Variants in TMEM67 observed in about 807,000 individuals in gnomAD.
TMEM67 encodes the protein transmembrane protein 67.
Under a neutral mutation model 136.6 loss-of-function variants are expected in TMEM67, and 124 were observed. The observed-to-expected ratio is 0.91, with a 90% CI of 0.78 to 1.05. TMEM67 has a LOEUF of 1.05. Ranked by LOEUF, TMEM67 falls within the 50% of genes least tolerant of loss-of-function variation. TMEM67 has a pLI of 0.00. For synonymous variants in TMEM67, 364 were observed against 390.5 expected (o/e 0.93, Z 0.80); for missense variants, 1,107 against 1,178.4 (o/e 0.94, Z 0.89).
At position 93,797,359 on chromosome 8, in the gene TMEM67, T is replaced by A; in HGVS notation, c.1989T>A (p.Val663=). 6.2e-7 allele frequency: 1 copy of A among 1,614,154 alleles called. No individual in the cohort carries two copies. Among genetic ancestry groups the A allele is most frequent in the Non-Finnish European group, 8.5e-7 (1 of 1,180,000 alleles). ...AGGGTGGTGTACGAAGTGCCACTGTTCCTGTAAGCATATGGAGAACATATT... is the reference window on the plus strand; with the variant it reads ...AGGGTGGTGTACGAAGTGCCACTGTACCTGTAAGCATATGGAGAACATATT... ...EGEGGVRSAT[V]PVSIWRTYFV... is the part of the protein sequence containing the mutation. The change falls in exon 20 of 28, where the codon GTT becomes GTA. Residue 663 remains valine, a synonymous_variant. Transcript: ENST00000453321.
chr8:93,829,170 C>A, the TMEM67 span, among the ~76,000 whole-genome samples: 1 of 152,170 alleles, frequency 6.6e-6, no homozygotes, highest in Non-Finnish European at 1.5e-5. Context: ...ATAGGCTCTT[C>A]TTTGCGGTAG....
At chr8:93,831,613 T>C in the TMEM67 span, among the ~76,000 whole-genome samples, 1 of 152,282 alleles carries the variant, frequency 6.6e-6, no homozygotes, top group South Asian at 2.1e-4. Context: ...TGAAAAGCCC[T>C]GCCTCCTTCC....
intron 21 of TMEM67, among the ~76,000 whole-genome samples, chr8:93,802,858 G>C (rs1461543019): frequency 2.0e-5 from 3 of 152,118 alleles, no homozygotes; most frequent in Non-Finnish European, 4.4e-5. Flanking sequence ...TTATGTATTG[G>C]ATGCTGTGCT....
chr8:93,820,593 T>C (rs1231489339), downstream of TMEM67, among the ~76,000 whole-genome samples: 1 of 152,176 alleles, frequency 6.6e-6, no homozygotes, highest in African/African-American at 2.4e-5. Context: ...CTGTGCAATT[T>C]GGGCAAGTCA....
In TMEM67 at chr8:93,799,643, T is replaced by A. The variant is rs1377430658; in HGVS notation, c.2126T>A (p.Leu709Ter). The A allele has an allele frequency of 6.2e-7, 1 of 1,613,990 alleles. No homozygotes were observed. Among genetic ancestry groups the A allele is most frequent in the East Asian group, 2.2e-5 (1 of 44,852 alleles). Residue 709 changes from leucine to a stop codon, truncating the protein, a stop_gained, in exon 21 of 28, where the codon TTA (leucine) becomes TAA (stop). Coordinates refer to ENST00000453321, the MANE Select transcript of TMEM67 (RefSeq NM_153704.6). LOFTEE classifies it high-confidence loss of function. ...LEVVGFKNLA[L>*]MDSSSSLSRN... is the part of the protein sequence containing the mutation. ...GTTGTGGGATTCAAGAACTTAGCAT[T>A]AATGGACTCATCTTCTAGTCTTTCT...
Position 93,814,395 on chromosome 8 carries a change from T to C in TMEM67, c.2765-910T>C, listed in dbSNP as rs547279145. ...ACCTCGTGATCTGCCCGCCTCGGCCTCCCAAGTTTATGTATACTTTTTTTT... is the reference window on the plus strand; with the variant it reads ...ACCTCGTGATCTGCCCGCCTCGGCCCCCCAAGTTTATGTATACTTTTTTTT... On this transcript the variant is annotated intron_variant, in intron 26 of 27. Transcript: ENST00000453321. Among the ~76,000 whole-genome samples the C allele has an allele frequency of 8.0e-5, 12 of 150,570 alleles. No individual in the cohort carries two copies. In the South Asian group the frequency reaches 2.3e-3, roughly 29 times the overall value.
intron 1 of TMEM67, 27 bp from the exon 2 acceptor site, chr8:93,755,751 C>CTTTTTTTTTTTTT: frequency 1.6e-6 from 1 of 632,468 alleles, no homozygotes. Flanking sequence ...ATAAAATTGG[C>CTTTTTTTTTTTTT]TTTTTTTTTT....
intron 21 of TMEM67, among the ~76,000 whole-genome samples, chr8:93,802,245 G>A (rs1814900655): frequency 1.3e-5 from 2 of 152,256 alleles, no homozygotes; most frequent in East Asian, 1.9e-4. Context: ...GTCCATAATA[G>A]CCAATGAAGT....
intron 23 of TMEM67, among the ~76,000 whole-genome samples, chr8:93,807,719 G>T (rs1425848698): frequency 1.3e-5 from 2 of 151,962 alleles, no homozygotes; most frequent in Middle Eastern, 3.4e-3. Context: ...TTCACTACAT[G>T]TATTCTTCCT....
chr8:93,770,278 A>G lies in TMEM67; in HGVS notation c.652-2311A>G, dbSNP rs556216949. On this transcript the variant is annotated intron_variant, in intron 6 of 27. Coordinates refer to ENST00000453321, the MANE Select transcript of TMEM67 (RefSeq NM_153704.6). ...TTTTTTCCCCCTGAGCCATTTGAAA[A>G]TAAGTTGTAGACATAATGACATTGC... is the stretch of plus-strand genomic sequence containing the variant. 3.3e-5 allele frequency among the ~76,000 whole-genome samples: 5 copies of G among 152,320 alleles called. No homozygotes were observed. The South Asian group carries it at 1.0e-3, about 32-fold the overall frequency.
At chr8:93,814,390 C>G (rs1476352563) in intron 26 of TMEM67, among the ~76,000 whole-genome samples, 1 of 149,840 alleles carries the variant, frequency 6.7e-6, no homozygotes, top group Non-Finnish European at 1.5e-5. Flanking sequence ...CTGCCCGCCT[C>G]GGCCTCCCAA....
In TMEM67 at chr8:93,786,328, C is replaced by G. The variant is rs1424836427; in HGVS notation, c.1394C>G (p.Ala465Gly). Residue 465 changes from alanine to glycine, a missense_variant, in exon 13 of 28, where the codon GCT becomes GGT. Physicochemically the swap from Ala to Gly is moderately conservative, Grantham distance 60. This residue lies in a region of TMEM67 where 925 missense variants were observed against 1,002.4 expected (regional missense o/e 0.92). Transcript: ENST00000453321. ...ACTCAGCCAAGAGTAATTCGAGTTG[C>G]TACTCAAATATCACTGAGGTAAACA... ...LGTQPRVIRV[A>G]TQISLSVHLV... 1 of 1,613,830 alleles carries G rather than the reference C, an allele frequency of 6.2e-7. No homozygotes were observed. The highest frequency in any genetic ancestry group is 8.5e-7 in the Non-Finnish European group (1 of 1,179,860).
In TMEM67 at chr8:93,808,961, G is replaced by T. The variant is rs886063172; in HGVS notation, c.2556+5G>T. On this transcript the variant is annotated splice_donor_5th_base_variant and intron_variant, in intron 24 of 27. Transcript: ENST00000453321. ...ATTCATGAGACACTAATAAGGGTTTGTATAAAGTACAGTTCAGATATATTC... is the reference window on the plus strand; with the variant it reads ...ATTCATGAGACACTAATAAGGGTTTTTATAAAGTACAGTTCAGATATATTC... 8.3e-6 allele frequency: 13 copies of T among 1,565,040 alleles called. No homozygotes were observed. The South Asian group carries it at 1.3e-4, about 16-fold the overall frequency.
rs886063172 is a variant in TMEM67 at position 93,808,961 on chromosome 8, G to C, written c.2556+5G>C. The C allele has an allele frequency of 1.5e-5, 24 of 1,565,158 alleles. No individual in the cohort carries two copies. The highest frequency in any genetic ancestry group is 2.1e-5 in the Non-Finnish European group (24 of 1,135,756). On this transcript the variant is annotated splice_donor_5th_base_variant and intron_variant, in intron 24 of 27. Coordinates refer to ENST00000453321, the MANE Select transcript of TMEM67 (RefSeq NM_153704.6). ...ATTCATGAGACACTAATAAGGGTTT[G>C]TATAAAGTACAGTTCAGATATATTC...
intron 22 of TMEM67, among the ~76,000 whole-genome samples, chr8:93,804,298 C>T (rs143277761): frequency 1.0e-4 from 10 of 99,248 alleles, no homozygotes; most frequent in East Asian, 4.3e-4. Context: ...CTTTTCTTTT[C>T]TCTTTTCTTT....
At chr8:93,780,545 A>C (rs1813769135) in intron 7 of TMEM67, 48 bp from the exon 8 acceptor site, 3 of 1,611,508 alleles carry the variant, frequency 1.9e-6, no homozygotes, top group African/African-American at 1.3e-5. Flanking sequence ...ACTTTTGCAT[A>C]GACTGTTCAG....
In TMEM67 at chr8:93,784,850, G is replaced by T. The variant is rs373595027; in HGVS notation, c.1132-372G>T. ...TCATATACATCATTGTACAGCAGGA[G>T]AAAAAATTGGGAATTTATCCCGTAG... On this transcript the variant is annotated intron_variant, in intron 11 of 27. Coordinates refer to ENST00000453321, the MANE Select transcript of TMEM67 (RefSeq NM_153704.6). Among the ~76,000 whole-genome samples the T allele has an allele frequency of 5.3e-5, 8 of 152,256 alleles. No individual in the cohort carries two copies. In the East Asian group the frequency reaches 9.7e-4, roughly 18 times the overall value.
chr8:93,781,194 A>T (rs1169089111), intron 9 of TMEM67, among the ~76,000 whole-genome samples: 1 of 152,232 alleles, frequency 6.6e-6, no homozygotes, highest in African/African-American at 2.4e-5. Flanking sequence ...GGTTATGGCA[A>T]GAAGTTGTAC....
intron 2 of TMEM67, 140 bp downstream of exon 2, chr8:93,756,006 A>G (rs1812557328): frequency 1.9e-6 from 1 of 526,952 alleles, no homozygotes; most frequent in Admixed American, 3.7e-5. Context: ...TTACTAGAGT[A>G]AGTTTTGGGA....
Sources: allele counts gnomAD v4.1 joint callset (sites outside exome capture counted in the v4.1 genomes callset), GRCh38; gene constraint gnomAD v4.1.1; regional missense constraint gnomAD v4.1.1; transcripts MANE v1.5; gene names NCBI Gene and HGNC (gene_info 2026-07-23, HGNC 2026-07-21).